Variants in PTGER3 observed in about 807,000 individuals in gnomAD.
PTGER3 encodes prostaglandin E receptor 3.
In PTGER3, 22 loss-of-function variants were observed where a neutral mutation model predicts 34.7. That is an observed-to-expected ratio of 0.63 (90% confidence interval 0.45 to 0.91). PTGER3 has a LOEUF of 0.91. PTGER3 is among the 40% of genes least tolerant of loss of function. The pLI, the probability that PTGER3 is intolerant of heterozygous loss-of-function variation, is 0.00. For synonymous variants in PTGER3, 241 were observed against 230.1 expected, an observed-to-expected ratio of 1.05 and a Z score of -0.43; for missense variants, 468 against 519.4, an observed-to-expected ratio of 0.90 and a Z score of 0.96.
intron 4 of PTGER3, among the ~76,000 whole-genome samples, chr1:70,923,718 G>C (rs1380687076): frequency 1.3e-5 from 2 of 152,102 alleles, no homozygotes; most frequent in East Asian, 3.8e-4. Context: ...GCTATTTGTA[G>C]CTTGTAGCAA....
chr1:70,973,942 G>A (rs140464549), intron 3 of PTGER3, among the ~76,000 whole-genome samples: 7 of 152,190 alleles, frequency 4.6e-5, no homozygotes, highest in Admixed American at 6.5e-5. Context: ...GCCATATGGC[G>A]AACACGCTGG....
Position 70,927,485 on chromosome 1 carries a change from G to C in PTGER3, c.*23+26278C>G, listed in dbSNP as rs115018689. Among the ~76,000 whole-genome samples the C allele has an allele frequency of 9.2e-4, 140 of 152,278 alleles. 2 individuals carry two copies. The highest frequency in any genetic ancestry group is 1.6e-3 in the Non-Finnish European group (111 of 68,014). ...CATAGCTATGGAATACCGTGATAGA[G>C]AGGATAGCATTATATATTGGAGAGT... On this transcript the variant is annotated intron_variant, in intron 4 of 4. Transcript: ENST00000370931.
intron 1 of PTGER3, among the ~76,000 whole-genome samples, chr1:71,036,463 G>C (rs1659832451): frequency 6.6e-6 from 1 of 152,140 alleles, no homozygotes; most frequent in Admixed American, 6.5e-5. Flanking sequence ...GCTGCAGTGA[G>C]CTATGATCAC....
chr1:70,907,883 G>C (rs1238444949), intron 4 of PTGER3, among the ~76,000 whole-genome samples: 5 of 152,142 alleles, frequency 3.3e-5, no homozygotes, highest in Non-Finnish European at 7.3e-5. Context: ...CTCCACCCAG[G>C]GTGGCCAGGA....
At chr1:70,911,630 A>G (rs1309047367) in intron 4 of PTGER3, among the ~76,000 whole-genome samples, 1 of 152,166 alleles carries the variant, frequency 6.6e-6, no homozygotes, top group Non-Finnish European at 1.5e-5. Flanking sequence ...GAAAGTGACG[A>G]CATTTTTTTA....
rs145180223 is a variant in PTGER3, at chr1:71,011,161, T to C, written c.1077+1144A>G. ...TGCACAAATACGTCAAGCTTAGCTA[T>C]TGAGGTTTGTATTCATGTAGACTGT... On this transcript the variant is annotated intron_variant, in intron 2 of 3. Coordinates refer to ENST00000306666, the MANE Select transcript of PTGER3 (RefSeq NM_198719.2). 248 of 985,650 alleles carry C rather than the reference T, an allele frequency of 2.5e-4. 1 individual carries two copies. The African/African-American group carries it at 3.9e-3, about 16-fold the overall frequency. 61.1% of individuals were successfully genotyped at this position (985,650 alleles called of 1,614,324 possible). A position where few individuals can be genotyped will look rare whatever the true frequency, so the allele number is the denominator to read the frequency against.
rs1410946264 is a variant in PTGER3, at chr1:71,046,744, G to A, written c.834C>T (p.Thr278=). Residue 278 remains threonine, a synonymous_variant, in exon 1 of 4, where the codon ACC becomes ACT. Coordinates refer to ENST00000306666, the MANE Select transcript of PTGER3 (RefSeq NM_198719.2). ...TCCCCATAAGCTGAATGGCCGTCTC[G>A]GTCGTGATGCGGCCCCACTGGGCAC... The part of the protein sequence containing the change: ...QSSAQWGRIT[T]ETAIQLMGIM... 3 of 1,611,786 alleles carry A rather than the reference G, an allele frequency of 1.9e-6. No homozygotes were observed. Among genetic ancestry groups the A allele is most frequent in the Non-Finnish European group, 2.5e-6 (3 of 1,178,860 alleles).
intron 4 of PTGER3, among the ~76,000 whole-genome samples, chr1:70,920,645 T>C (rs1419536099): frequency 7.9e-5 from 12 of 152,182 alleles, no homozygotes; most frequent in Non-Finnish European, 1.2e-4. Flanking sequence ...AGCTGGAGAT[T>C]GAGATTATTT....
intron 4 of PTGER3, among the ~76,000 whole-genome samples, chr1:70,860,678 T>C (rs1382111432): frequency 6.6e-6 from 1 of 152,164 alleles, no homozygotes; most frequent in Non-Finnish European, 1.5e-5. Flanking sequence ...TCATTTCACT[T>C]AAAGTTGCAG....
intron 4 of PTGER3, among the ~76,000 whole-genome samples, chr1:70,939,304 C>A (rs1014000078): frequency 2.6e-5 from 4 of 152,228 alleles, no homozygotes; most frequent in East Asian, 3.9e-4. Flanking sequence ...CAGGGTACAG[C>A]CTCCCTCCCA....
chr1:70,982,674 A>C (rs1043218293), intron 2 of PTGER3, among the ~76,000 whole-genome samples: 5 of 151,922 alleles, frequency 3.3e-5, no homozygotes, highest in African/African-American at 1.2e-4. Context: ...TCTGTCTCCC[A>C]CTCCATATTT....
chr1:70,940,481 A>C (rs1649652531), intron 4 of PTGER3, among the ~76,000 whole-genome samples: 1 of 152,202 alleles, frequency 6.6e-6, no homozygotes, highest in South Asian at 2.1e-4. Flanking sequence ...TATGCTGCTG[A>C]TAAAGACATA....
intron 4 of PTGER3, among the ~76,000 whole-genome samples, chr1:70,921,832 A>C (rs1310697083): frequency 6.6e-6 from 1 of 152,032 alleles, no homozygotes; most frequent in Non-Finnish European, 1.5e-5. Flanking sequence ...TCTTCTGTCT[A>C]TGTATTTATA....
chr1:70,866,330 C>T (rs1180613841), intron 4 of PTGER3, among the ~76,000 whole-genome samples: 2 of 152,156 alleles, frequency 1.3e-5, no homozygotes, highest in African/African-American at 4.8e-5. Context: ...TTCCAAATAA[C>T]CCATGTTGGT....
At chr1:70,959,460 CTA>C (rs1310181761) in intron 2 of PTGER3, among the ~76,000 whole-genome samples, 3 of 151,432 alleles carry the variant, frequency 2.0e-5, no homozygotes, top group Non-Finnish European at 2.9e-5. Flanking sequence ...TCAAATGATT[CTA>C]TGATTCTCCT....
intron 2 of PTGER3, chr1:71,006,263 G>A (rs1244078469): frequency 2.0e-6 from 2 of 985,276 alleles, no homozygotes; most frequent in African/African-American, 3.5e-5. Flanking sequence ...ATTCTCCTTG[G>A]ATATCTTTTC....
chr1:70,903,815 CT>C (rs1646890287), intron 4 of PTGER3, among the ~76,000 whole-genome samples: 4 of 152,210 alleles, frequency 2.6e-5, no homozygotes, highest in Non-Finnish European at 5.9e-5. Context: ...TGGGTTTCAG[CT>C]ACTTACTCTT....
At chr1:70,996,705 G>T (rs1039544033) in intron 2 of PTGER3, among the ~76,000 whole-genome samples, 3 of 123,744 alleles carry the variant, frequency 2.4e-5, no homozygotes, top group Non-Finnish European at 5.0e-5. Context: ...GCTCTGTCGC[G>T]CAGGCTGGAG....
chr1:70,876,675 C>T (rs1646279550), intron 4 of PTGER3, among the ~76,000 whole-genome samples: 1 of 152,016 alleles, frequency 6.6e-6, no homozygotes, highest in Non-Finnish European at 1.5e-5. Context: ...CTGCGTATGG[C>T]CAGCAAGTTA....
Sources: gnomAD v4.1 joint callset for allele counts (sites outside exome capture counted in the v4.1 genomes callset) on GRCh38, gnomAD v4.1.1 for gene constraint, MANE v1.5 for transcripts, NCBI Gene and HGNC (gene_info 2026-07-23, HGNC 2026-07-21) for gene names.